Variants in AP1B1 observed in about 807,000 individuals in gnomAD.
The protein encoded by AP1B1 is adaptor related protein complex 1 subunit beta 1.
In AP1B1, 36 loss-of-function variants were observed where a neutral mutation model predicts 104.3. The observed-to-expected ratio is 0.35, with a 90% CI of 0.26 to 0.46. The LOEUF is 0.46. AP1B1 is among the 20% of genes least tolerant of loss of function. The pLI, the probability that AP1B1 is intolerant of heterozygous loss-of-function variation, is 1.00. For missense variants in AP1B1, 901 were observed against 1,247.9 expected, an observed-to-expected ratio of 0.72 and a Z score of 4.19; for synonymous variants, 504 against 517.5, an observed-to-expected ratio of 0.97 and a Z score of 0.35.
chr22:29,336,137 T>A (rs1439221206), intron 16 of AP1B1, among the ~76,000 whole-genome samples: 1 of 152,204 alleles, frequency 6.6e-6, no homozygotes, highest in East Asian at 1.9e-4. Flanking sequence ...ACTCAAATGG[T>A]GAGGAACCCA....
chr22:29,360,491 G>A (rs150865628), intron 3 of AP1B1, among the ~76,000 whole-genome samples: 36 of 152,280 alleles, frequency 2.4e-4, no homozygotes, highest in Non-Finnish European at 4.6e-4. Flanking sequence ...CTGGAGGGTC[G>A]CAGGGAAGCA....
At chr22:29,359,705 C>T (rs1210325322) in intron 4 of AP1B1, 119 bp downstream of exon 4, 7 of 1,340,856 alleles carry the variant, frequency 5.2e-6, no homozygotes, top group African/African-American at 2.9e-5. Context: ...GCTGGGCGGG[C>T]GCGGGCAGTC....
At chr22:29,362,633 C>T (rs535209994) in intron 3 of AP1B1, among the ~76,000 whole-genome samples, 1 of 152,284 alleles carries the variant, frequency 6.6e-6, no homozygotes, top group East Asian at 1.9e-4. Context: ...GCGTGAGCCA[C>T]CGCGCCTGGC....
At chr22:29,336,109 A>T (rs1569152172) in intron 16 of AP1B1, among the ~76,000 whole-genome samples, 1 of 152,190 alleles carries the variant, frequency 6.6e-6, no homozygotes, top group Non-Finnish European at 1.5e-5. Flanking sequence ...TGAACCAATG[A>T]ACTGTCACCA....
At chr22:29,367,597 A>T (rs55829919) in intron 1 of AP1B1, among the ~76,000 whole-genome samples, 2,039 of 151,076 alleles carry the variant, frequency 0.013, 52 homozygotes, top group African/African-American at 0.047. Flanking sequence ...ACCACACCTG[A>T]TCCCATCAAA....
chr22:29,379,182 A>G (rs1024034846), intron 1 of AP1B1, among the ~76,000 whole-genome samples: 1 of 152,158 alleles, frequency 6.6e-6, no homozygotes, highest in African/African-American at 2.4e-5. Context: ...GGCGAAACCT[A>G]TCTCTACTAA....
chr22:29,333,508 G>A (rs977083237), intron 17 of AP1B1, among the ~76,000 whole-genome samples: 3 of 152,170 alleles, frequency 2.0e-5, no homozygotes, highest in African/African-American at 4.8e-5. Flanking sequence ...TTCTCAGCTG[G>A]AGCAGGGCGT....
At chr22:29,339,813 C>T in intron 14 of AP1B1, 39 bp from the exon 15 acceptor site, 1 of 1,597,434 alleles carries the variant, frequency 6.3e-7, no homozygotes, top group Middle Eastern at 1.7e-4. Context: ...AACAGGCAGC[C>T]ACATGCAGAG....
chr22:29,384,013 A>G (rs1195949985), intron 1 of AP1B1, among the ~76,000 whole-genome samples: 6 of 152,198 alleles, frequency 3.9e-5, no homozygotes, highest in African/African-American at 7.2e-5. Flanking sequence ...GGGACAATCT[A>G]AACACAAGGA....
intron 4 of AP1B1, 86 bp from the exon 5 acceptor site, chr22:29,359,057 C>T: frequency 7.4e-7 from 1 of 1,351,638 alleles, no homozygotes; most frequent in Non-Finnish European, 1.0e-6. Flanking sequence ...GCTCTGAGCC[C>T]TGCTAGGCTG....
chr22:29,371,417 C>T (rs1036734348), intron 1 of AP1B1, among the ~76,000 whole-genome samples: 1 of 152,138 alleles, frequency 6.6e-6, no homozygotes, highest in South Asian at 2.1e-4. Flanking sequence ...TGAATCTGAT[C>T]GGGTACACGA....
At position 29,358,929 on chromosome 22, in the gene AP1B1, G is replaced by T; in HGVS notation, c.322C>A (p.Arg108=). ...PNPLIRALAV[R]TMGCIRVDKI... ...TCAACGCGGATGCAGCCCATGGTCC[G>T]CACTGCCAGGGCTCGGATGAGGGGG... Residue 108 remains arginine (R), a synonymous_variant, in exon 5 of 23, where the codon CGG becomes AGG. Transcript: ENST00000357586. 6.2e-7 allele frequency: 1 copy of T among 1,611,924 alleles called. No homozygotes were observed. Among genetic ancestry groups the T allele is most frequent in the South Asian group, 1.1e-5 (1 of 90,654 alleles).
chr22:29,350,281 G>A, intron 9 of AP1B1, 131 bp from the exon 10 acceptor site: 1 of 663,402 alleles, frequency 1.5e-6, no homozygotes, highest in Non-Finnish European at 2.7e-6. Context: ...GGGAAAACAG[G>A]AGAACCCTCT....
At chr22:29,351,083 G>T in intron 9 of AP1B1, 88 bp downstream of exon 9, 1 of 1,308,258 alleles carries the variant, frequency 7.6e-7, no homozygotes, top group Non-Finnish European at 1.1e-6. Flanking sequence ...CCACAAGCAA[G>T]CTGGCAGATT....
intron 16 of AP1B1, among the ~76,000 whole-genome samples, chr22:29,334,983 C>T (rs896890280): frequency 1.3e-5 from 2 of 152,208 alleles, no homozygotes; most frequent in African/African-American, 4.8e-5. Context: ...ATTCAAGTCT[C>T]AGCTCAAGAA....
chr22:29,342,233 C>G, intron 12 of AP1B1, 52 bp downstream of exon 12: 1 of 1,479,062 alleles, frequency 6.8e-7, no homozygotes. Context: ...CAAAAGTTCC[C>G]CTGCTTGAGT....
At chr22:29,378,541 A>T (rs1189204672) in intron 1 of AP1B1, among the ~76,000 whole-genome samples, 1 of 141,316 alleles carries the variant, frequency 7.1e-6, no homozygotes, top group Non-Finnish European at 1.5e-5. Flanking sequence ...CGAGAGAAAG[A>T]AACTCCGTAT....
intron 6 of AP1B1, among the ~76,000 whole-genome samples, chr22:29,355,427 C>T (rs2061941554): frequency 6.6e-6 from 1 of 152,128 alleles, no homozygotes; most frequent in South Asian, 2.1e-4. Context: ...TGACACTGCA[C>T]TCTGGCCTGG....
In AP1B1 at chr22:29,329,085, C is replaced by T. The variant is rs2061518457; in HGVS notation, c.2776-190G>A. On this transcript the variant is annotated intron_variant, in intron 22 of 22. Transcript: ENST00000357586. ...GCTGTCGCAGCCAGCCGGGTGTGGA[C>T]CAAATATACTTGCAGCCCACACACC... 4.3e-6 allele frequency: 6 copies of T among 1,405,264 alleles called. No homozygotes were observed. In the Admixed American group the frequency reaches 1.7e-4, roughly 40 times the overall value. 87.0% of individuals were successfully genotyped at this position (1,405,264 alleles called of 1,614,324 possible). A position where few individuals can be genotyped will look rare whatever the true frequency, so the allele number is the denominator to read the frequency against.
Sources: gnomAD v4.1 joint callset for allele counts (sites outside exome capture counted in the v4.1 genomes callset) on GRCh38, gnomAD v4.1.1 for gene constraint, MANE v1.5 for transcripts, NCBI Gene and HGNC (gene_info 2026-07-23, HGNC 2026-07-21) for gene names.